The following BMPR2 variants were observed in gnomAD, a reference collection of about 807,000 sequenced individuals.
BMPR2 encodes the protein bone morphogenetic protein receptor type 2, also known as bone morphogenetic protein receptor type-2.
Under a neutral mutation model 100.8 loss-of-function variants are expected in BMPR2, and 29 were observed. That is an observed-to-expected ratio of 0.29 (90% CI 0.21 to 0.39). The LOEUF (loss-of-function observed/expected upper bound fraction) is 0.39, where lower values mean the gene tolerates loss of function less well. BMPR2 is among the 10% of genes least tolerant of loss of function. BMPR2 has a pLI of 1.00. For synonymous variants in BMPR2, 382 were observed against 442.3 expected (o/e 0.86, Z 1.71); for missense variants, 1,011 against 1,274.5 (o/e 0.79, Z 3.15).
intron 1 of BMPR2, among the ~76,000 whole-genome samples, chr2:202,387,029 ACTATTGT>A (rs1420807455): frequency 6.6e-5 from 10 of 152,080 alleles, no homozygotes; most frequent in Non-Finnish European, 1.2e-4. Context: ...TTTGCTTAAA[ACTATTGT>A]CTTCCCATCT....
At chr2:202,395,774 A>G (rs575345702) in intron 1 of BMPR2, among the ~76,000 whole-genome samples, 1 of 152,216 alleles carries the variant, frequency 6.6e-6, no homozygotes, top group East Asian at 1.9e-4. Context: ...CGGCTCTACT[A>G]AAAATACAAA....
At chr2:202,501,095 T>C (rs957855139) in intron 3 of BMPR2, among the ~76,000 whole-genome samples, 2 of 152,222 alleles carry the variant, frequency 1.3e-5, no homozygotes, top group Non-Finnish European at 2.9e-5. Context: ...TCTAGATCTC[T>C]TGAACTTTCT....
intron 9 of BMPR2, among the ~76,000 whole-genome samples, chr2:202,539,469 C>G (rs1688230607): frequency 6.6e-6 from 1 of 151,928 alleles, no homozygotes; most frequent in African/African-American, 2.4e-5. Context: ...AAAAAAGGAT[C>G]ATATAAATAT....
At chr2:202,450,691 CA>C (rs761806972) in intron 1 of BMPR2, among the ~76,000 whole-genome samples, 1,517 of 41,262 alleles carry the variant, frequency 0.037, 11 homozygotes, top group African/African-American at 0.11. Context: ...AACTCCATCT[CA>C]AAAAAAAAAA....
chr2:202,501,456 T>C (rs1321138268), intron 3 of BMPR2, among the ~76,000 whole-genome samples: 1 of 152,188 alleles, frequency 6.6e-6, no homozygotes, highest in Non-Finnish European at 1.5e-5. Context: ...GCTTTAAGGC[T>C]TCCCACAGGA....
At chr2:202,482,171 T>G (rs955752101) in intron 3 of BMPR2, among the ~76,000 whole-genome samples, 1 of 152,224 alleles carries the variant, frequency 6.6e-6, no homozygotes, top group African/African-American at 2.4e-5. Flanking sequence ...TTTTGAAGGC[T>G]GAATAATATT....
intron 2 of BMPR2, 117 bp downstream of exon 2, chr2:202,465,096 A>G: frequency 7.4e-7 from 1 of 1,342,962 alleles, no homozygotes; most frequent in Non-Finnish European, 1.0e-6. Flanking sequence ...TTAAAAGTGT[A>G]TATATAAAGC....
chr2:202,397,484 G>C (rs1267308429), intron 1 of BMPR2, among the ~76,000 whole-genome samples: 2 of 150,996 alleles, frequency 1.3e-5, no homozygotes, highest in East Asian at 3.9e-4. Flanking sequence ...GTAAATGTAG[G>C]TAAGTGTAGG....
At chr2:202,409,743 T>C (rs1275630565) in intron 1 of BMPR2, among the ~76,000 whole-genome samples, 1 of 152,344 alleles carries the variant, frequency 6.6e-6, no homozygotes, top group East Asian at 1.9e-4. Context: ...TAAGATACTT[T>C]GGAAAATTAT....
intron 1 of BMPR2, among the ~76,000 whole-genome samples, chr2:202,393,092 T>C (rs1690584041): frequency 6.6e-6 from 1 of 152,004 alleles, no homozygotes; most frequent in South Asian, 2.1e-4. Context: ...ATTTAATACA[T>C]TCAGAACAAC....
intron 1 of BMPR2, among the ~76,000 whole-genome samples, chr2:202,432,134 A>C (rs868834234): frequency 6.6e-6 from 1 of 150,698 alleles, no homozygotes; most frequent in Non-Finnish European, 1.5e-5. Context: ...TTAAATGATG[A>C]ATGTTATTAA....
At chr2:202,452,727 A>T (rs1692013703) in intron 1 of BMPR2, among the ~76,000 whole-genome samples, 1 of 152,264 alleles carries the variant, frequency 6.6e-6, no homozygotes, top group Non-Finnish European at 1.5e-5. Flanking sequence ...GTATAATGCC[A>T]TGTGCTTAAA....
chr2:202,405,127 G>A (rs17271400), intron 1 of BMPR2, among the ~76,000 whole-genome samples: 18,692 of 152,038 alleles, frequency 0.12, 1,237 homozygotes, highest in Admixed American at 0.14. Flanking sequence ...CTAGCCCTGT[G>A]CACTTTTTAA....
At position 202,377,128 on chromosome 2, in the gene BMPR2, C is replaced by T. The variant is rs1186841859; in HGVS notation, c.-347C>T. 1 of 586,448 alleles carries T rather than the reference C, an allele frequency of 1.7e-6. No individual in the cohort carries two copies. The highest frequency in any genetic ancestry group is 2.1e-5 in the South Asian group (1 of 47,356). 36.3% of individuals were successfully genotyped at this position (586,448 alleles called of 1,614,324 possible). ...ACCCTGGATATGTTTTCTCCCAGAC[C>T]TGGATATTTTTTTGATATCGTGAAA... is the stretch of plus-strand genomic sequence containing the variant. On this transcript the variant is annotated 5_prime_UTR_variant, in exon 1 of 13. Transcript: ENST00000374580.
At chr2:202,393,397 A>G (rs909178316) in intron 1 of BMPR2, among the ~76,000 whole-genome samples, 4 of 152,148 alleles carry the variant, frequency 2.6e-5, no homozygotes, top group South Asian at 2.1e-4. Context: ...GCTTTGATCT[A>G]TACTGGAGTA....
chr2:202,516,441 A>C (rs1270422688), intron 5 of BMPR2, among the ~76,000 whole-genome samples: 4 of 152,212 alleles, frequency 2.6e-5, no homozygotes, highest in African/African-American at 9.6e-5. Flanking sequence ...TGGGAGGCCA[A>C]AGTGGGTGGA....
chr2:202,557,461 TCAAACACACACA>T (rs1559074770), intron 12 of BMPR2, among the ~76,000 whole-genome samples: 3 of 104,868 alleles, frequency 2.9e-5, no homozygotes. Flanking sequence ...AAACTCTGTC[TCAAACACACACA>T]CACACACACA....
In BMPR2 at chr2:202,535,175, C is replaced by CG. The variant is rs1266422876; in HGVS notation, c.1276+2449dup. 2.9e-3 allele frequency among the ~76,000 whole-genome samples: 406 copies of CG among 139,494 alleles called. 3 individuals carry two copies. The highest frequency in any genetic ancestry group is 3.1e-3 in the Non-Finnish European group (198 of 64,006). 91.5% of individuals were successfully genotyped at this position (139,494 alleles called of 152,430 possible). ...CTCCCGGATGGGGCGGCTGGCCTGGCGGGGGGCTGACCCCCCCCACCTCCC... is the reference window on the plus strand; with the variant it reads ...CTCCCGGATGGGGCGGCTGGCCTGGCGGGGGGGCTGACCCCCCCCACCTCCC... On this transcript the variant is annotated intron_variant, in intron 9 of 12. Transcript: ENST00000374580.
At chr2:202,496,039 A>G (rs1693019903) in intron 3 of BMPR2, among the ~76,000 whole-genome samples, 1 of 152,232 alleles carries the variant, frequency 6.6e-6, no homozygotes. Context: ...ACGTGCTTGA[A>G]TGTAGGACAA....
Sources: gnomAD v4.1 joint callset for allele counts (sites outside exome capture counted in the v4.1 genomes callset) on GRCh38, gnomAD v4.1.1 for gene constraint, MANE v1.5 for transcripts, NCBI Gene and HGNC (gene_info 2026-07-23, HGNC 2026-07-21) for gene names.